Variants in FHOD3 observed in about 807,000 individuals in gnomAD.
FHOD3 encodes FH1/FH2 domain-containing protein 3.
Under a neutral mutation model 173.0 loss-of-function variants are expected in FHOD3, and 90 were observed. The observed-to-expected ratio is 0.52, with a 90% CI of 0.44 to 0.62. FHOD3 has a LOEUF of 0.62. FHOD3 is among the 20% of genes least tolerant of loss of function. The pLI is 0.00. For synonymous variants in FHOD3, 828 were observed against 823.0 expected, an observed-to-expected ratio of 1.01 and a Z score of -0.10; for missense variants, 1,945 against 2,034.7, an observed-to-expected ratio of 0.96 and a Z score of 0.85.
intron 14 of FHOD3, among the ~76,000 whole-genome samples, chr18:36,665,792 G>A (rs1389449485): frequency 6.6e-6 from 1 of 152,194 alleles, no homozygotes; most frequent in Non-Finnish European, 1.5e-5. Context: ...CTTGGTCCTG[G>A]CCAGCAAGGC....
At chr18:36,712,581 A>G (rs1232768386) in intron 18 of FHOD3, among the ~76,000 whole-genome samples, 1 of 152,202 alleles carries the variant, frequency 6.6e-6, no homozygotes, top group Non-Finnish European at 1.5e-5. Flanking sequence ...GAATGACAGA[A>G]AAAAAGAGAC....
At chr18:36,710,952 T>G (rs921872695) in intron 18 of FHOD3, 1 of 152,180 alleles carries the variant, frequency 6.6e-6, no homozygotes, top group South Asian at 2.1e-4. Context: ...ATTGGATTAG[T>G]AAAAATATAC....
intron 18 of FHOD3, among the ~76,000 whole-genome samples, chr18:36,713,999 G>A (rs1386147987): frequency 6.6e-6 from 1 of 150,968 alleles, no homozygotes; most frequent in African/African-American, 2.4e-5. Flanking sequence ...TAATGACACA[G>A]GTAGATTGTA....
chr18:36,298,898 TAGAC>T (rs1449314774), intron 1 of FHOD3, among the ~76,000 whole-genome samples: 2 of 152,180 alleles, frequency 1.3e-5, no homozygotes, highest in African/African-American at 4.8e-5. Flanking sequence ...TACTCTCACT[TAGAC>T]AGATTGAATG....
At chr18:36,731,714 T>C (rs1289656839) in intron 20 of FHOD3, among the ~76,000 whole-genome samples, 1 of 152,164 alleles carries the variant, frequency 6.6e-6, no homozygotes, top group African/African-American at 2.4e-5. Flanking sequence ...GAGCAAGCCT[T>C]CTATAGAAAA....
intron 3 of FHOD3, among the ~76,000 whole-genome samples, chr18:36,481,181 C>T (rs1039451034): frequency 6.6e-6 from 1 of 151,922 alleles, no homozygotes. Flanking sequence ...AGGAGGGGAG[C>T]GGTGGAGTCA....
intron 28 of FHOD3, chr18:36,777,898 C>A (rs1204519314): frequency 1.3e-5 from 2 of 152,192 alleles, no homozygotes; most frequent in Non-Finnish European, 2.9e-5. Context: ...TTTGAGAGAA[C>A]CCCTCACCAC....
intron 8 of FHOD3, among the ~76,000 whole-genome samples, chr18:36,603,622 G>T (rs2031693123): frequency 6.6e-6 from 1 of 151,984 alleles, no homozygotes; most frequent in Admixed American, 6.5e-5. Flanking sequence ...TCCTGCCTTA[G>T]CCCCTCTAGT....
chr18:36,697,021 T>G (rs1600286854), intron 17 of FHOD3, among the ~76,000 whole-genome samples: 1 of 152,238 alleles, frequency 6.6e-6, no homozygotes, highest in East Asian at 1.9e-4. Flanking sequence ...AGTGATTCTC[T>G]TTGTCAGAAA....
rs539205971 is a variant in FHOD3 at position 36,760,854 on chromosome 18, G to C, written c.4624+72G>C. On this transcript the variant is annotated intron_variant, in intron 27 of 28. Coordinates refer to ENST00000590592, the MANE Select transcript of FHOD3 (RefSeq NM_001281740.3). ...GCTCTGGGGGGGTCCGGTCTCCATCGCAGGCTGCGGTCCACGGCTGTGACT... is the reference window on the plus strand; with the variant it reads ...GCTCTGGGGGGGTCCGGTCTCCATCCCAGGCTGCGGTCCACGGCTGTGACT... The C allele has an allele frequency of 3.4e-4, 490 of 1,454,108 alleles. 6 individuals carry two copies. In the South Asian group the frequency reaches 6.4e-3, roughly 19 times the overall value. The allele number at this position is 1,454,108 out of a possible 1,614,324, so 90.1% of individuals were successfully genotyped here.
chr18:36,359,219 A>T (rs1316889492), intron 2 of FHOD3, among the ~76,000 whole-genome samples: 1 of 152,202 alleles, frequency 6.6e-6, no homozygotes, highest in African/African-American at 2.4e-5. Context: ...GATGTTTTTC[A>T]TACCATGTGT....
intron 3 of FHOD3, among the ~76,000 whole-genome samples, chr18:36,385,339 A>G (rs941523527): frequency 2.0e-5 from 3 of 152,160 alleles, no homozygotes; most frequent in Non-Finnish European, 2.9e-5. Context: ...TGATCCCACA[A>G]TTCCTGCTTA....
intron 3 of FHOD3, among the ~76,000 whole-genome samples, chr18:36,446,538 C>A: frequency 6.6e-6 from 1 of 152,094 alleles, no homozygotes; most frequent in East Asian, 1.9e-4. Context: ...CAGATTGAAC[C>A]CTTTTTGAAT....
At chr18:36,383,299 A>G (rs1459874302) in intron 3 of FHOD3, among the ~76,000 whole-genome samples, 1 of 152,186 alleles carries the variant, frequency 6.6e-6, no homozygotes, top group Non-Finnish European at 1.5e-5. Context: ...CAGTGCTCTC[A>G]TAATGTGGAC....
chr18:36,620,138 C>A (rs1052784881), intron 9 of FHOD3, among the ~76,000 whole-genome samples: 1 of 152,182 alleles, frequency 6.6e-6, no homozygotes, highest in Non-Finnish European at 1.5e-5. Flanking sequence ...AACCAAAATT[C>A]CTTCCATTGG....
At position 36,718,199 on chromosome 18, in the gene FHOD3, A is replaced by G. The variant is rs2040566394; in HGVS notation, c.2901A>G (p.Thr967=). 1.2e-6 allele frequency: 2 copies of G among 1,613,820 alleles called. No individual in the cohort carries two copies. Among genetic ancestry groups the G allele is most frequent in the Non-Finnish European group, 1.7e-6 (2 of 1,179,916 alleles). The change falls in exon 19 of 29, where the codon ACA becomes ACG. Residue 967 remains threonine (T), a synonymous_variant. Coordinates refer to ENST00000590592, the MANE Select transcript of FHOD3 (RefSeq NM_001281740.3). ...AGCCCAATGACAAGGTCCCAGAAAC[A>G]GCGCCGGTGCAGCCGAAGACAGAGT... The part of the protein sequence containing the change: ...DAEPNDKVPE[T]APVQPKTESD...
At chr18:36,335,493 T>TA (rs56991651) in intron 1 of FHOD3, among the ~76,000 whole-genome samples, 1,553 of 128,770 alleles carry the variant, frequency 0.012, 12 homozygotes, top group African/African-American at 0.023. Context: ...AGACTCCGTC[T>TA]AAAAAAAAAA....
chr18:36,696,644 C>G (rs2039299211), intron 17 of FHOD3, among the ~76,000 whole-genome samples: 1 of 152,190 alleles, frequency 6.6e-6, no homozygotes, highest in Non-Finnish European at 1.5e-5. Flanking sequence ...TGCCCCTAAT[C>G]CCCACCACCA....
chr18:36,377,896 G>T (rs1218934795), intron 3 of FHOD3, among the ~76,000 whole-genome samples: 2 of 152,160 alleles, frequency 1.3e-5, no homozygotes, highest in East Asian at 3.9e-4. Flanking sequence ...GCTCTGTCCT[G>T]CATTCCACAA....
Sources: allele counts gnomAD v4.1 joint callset (sites outside exome capture counted in the v4.1 genomes callset), GRCh38; gene constraint gnomAD v4.1.1; transcripts MANE v1.5; gene names NCBI Gene and HGNC (gene_info 2026-07-23, HGNC 2026-07-21).